Variants in ZBTB2 observed in about 807,000 individuals in gnomAD.
ZBTB2 encodes the protein zinc finger and BTB domain containing 2.
A neutral mutation model predicts 39.5 loss-of-function variants in ZBTB2; 2 were observed. The observed-to-expected ratio is 0.05, with a 90% CI of 0.02 to 0.16. ZBTB2 has a LOEUF of 0.16. Ranked by LOEUF, ZBTB2 falls within the 10% of genes least tolerant of loss-of-function variation. ZBTB2 has a pLI of 1.00. For synonymous variants in ZBTB2, 251 were observed against 256.6 expected (o/e 0.98, Z 0.21); for missense variants, 391 against 653.0 (o/e 0.60, Z 4.37).
At chr6:151,369,698 C>T (rs891931232) in intron 2 of ZBTB2, among the ~76,000 whole-genome samples, 4 of 152,006 alleles carry the variant, frequency 2.6e-5, no homozygotes, top group African/African-American at 4.8e-5. Context: ...GGAGGCTGGG[C>T]GCAGTGGCTA....
chr6:151,365,319 C>T lies in ZBTB2; in HGVS notation c.*202G>A. The T allele has an allele frequency of 1.7e-6, 1 of 578,456 alleles. No homozygotes were observed. The highest frequency in any genetic ancestry group is 2.9e-6 in the Non-Finnish European group (1 of 339,950). 35.8% of individuals were successfully genotyped at this position (578,456 alleles called of 1,614,324 possible). On this transcript the variant is annotated 3_prime_UTR_variant, in exon 3 of 3. Transcript: ENST00000325144. This position sits in a 1 kb window ranked among gnomAD's most constrained non-coding sequence, Gnocchi z 5.6. ...AATGACCATTATCTTTCCAATATCC[C>T]CTGAAAGAAAGTCGATACATTCCAG...
intron 2 of ZBTB2, among the ~76,000 whole-genome samples, chr6:151,370,355 A>T (rs1170705898): frequency 6.6e-6 from 1 of 152,168 alleles, no homozygotes; most frequent in Non-Finnish European, 1.5e-5. Context: ...AGGCTGGTTG[A>T]CATACTTTCA....
rs549888200 is a variant in ZBTB2, at chr6:151,369,625, T to TA, written c.174-2734dup. On this transcript the variant is annotated intron_variant, in intron 2 of 2. Transcript: ENST00000325144. ...AGGCGTGAACCACTGCACGCAGCCT[T>TA]AAAAAAAAATTTTTTTTTTTAAAGC... is the stretch of plus-strand genomic sequence containing the variant. 2.6e-5 allele frequency among the ~76,000 whole-genome samples: 4 copies of TA among 151,716 alleles called. No homozygotes were observed. The South Asian group carries it at 6.2e-4, about 24-fold the overall frequency.
At chr6:151,387,736 TCTTA>T (rs1172400155) in intron 1 of ZBTB2, among the ~76,000 whole-genome samples, 4 of 152,186 alleles carry the variant, frequency 2.6e-5, no homozygotes, top group Non-Finnish European at 2.9e-5. Flanking sequence ...TACTGAACTT[TCTTA>T]AAGTGACACT....
chr6:151,389,533 G>A (rs1194992715), intron 1 of ZBTB2, among the ~76,000 whole-genome samples: 2 of 152,208 alleles, frequency 1.3e-5, no homozygotes, highest in African/African-American at 4.8e-5. Context: ...CATTAGCAAG[G>A]ACAGGGCAGC....
At chr6:151,376,250 AAAGT>A (rs1458532951) in intron 1 of ZBTB2, among the ~76,000 whole-genome samples, 2 of 152,242 alleles carry the variant, frequency 1.3e-5, no homozygotes, top group African/African-American at 2.4e-5. Context: ...TTTGGGAAAA[AAAGT>A]AAGAAAATCT....
At chr6:151,374,927 T>C (rs1318596278) in intron 1 of ZBTB2, among the ~76,000 whole-genome samples, 5 of 96,474 alleles carry the variant, frequency 5.2e-5, no homozygotes, top group Non-Finnish European at 1.0e-4. Flanking sequence ...ACCCCGTCTC[T>C]ACTAAAAAAA....
At chr6:151,382,211 C>A (rs1377314940) in intron 1 of ZBTB2, among the ~76,000 whole-genome samples, 1 of 152,186 alleles carries the variant, frequency 6.6e-6, no homozygotes, top group Non-Finnish European at 1.5e-5. Context: ...CTTTCATTCA[C>A]TGAAATCTTA....
intron 2 of ZBTB2, among the ~76,000 whole-genome samples, chr6:151,367,257 ATTACAGGCGC>A (rs1191556059): frequency 1.3e-5 from 2 of 151,874 alleles, no homozygotes; most frequent in Admixed American, 6.6e-5. Flanking sequence ...AGTAGCTGGG[ATTACAGGCGC>A]TCACTACCAC....
At position 151,382,239 on chromosome 6, in the gene ZBTB2, T is replaced by A. The variant is rs569751778; in HGVS notation, c.-12-8590A>T. Among the ~76,000 whole-genome samples, 287 of 152,352 alleles carry A rather than the reference T, an allele frequency of 1.9e-3. 1 individual carries two copies. The highest frequency in any genetic ancestry group is 3.3e-3 in the Non-Finnish European group (223 of 68,028). On this transcript the variant is annotated intron_variant, in intron 1 of 2. Transcript: ENST00000325144. The stretch of plus-strand genomic sequence containing the variant: ...AAATCTTATTATGGGTACATGACTA[T>A]GTATGAAAAAATACTTTTCTTTTTC...
intron 1 of ZBTB2, among the ~76,000 whole-genome samples, chr6:151,390,078 G>A (rs1779249569): frequency 6.6e-6 from 1 of 152,052 alleles, no homozygotes; most frequent in Non-Finnish European, 1.5e-5. Flanking sequence ...AAAGCACAGC[G>A]CGCTCGGGGC....
In ZBTB2 at chr6:151,365,922, T is replaced by C. The variant is rs1414197248; in HGVS notation, c.1144A>G (p.Met382Val). 6.2e-7 allele frequency: 1 copy of C among 1,614,194 alleles called. No homozygotes were observed. The highest frequency in any genetic ancestry group is 1.7e-5 in the Admixed American group (1 of 60,016). The change falls in exon 3 of 3, where the codon ATG becomes GTG. Residue 382 changes from methionine to valine, a missense_variant. Physicochemically the swap from Met to Val is conservative, Grantham distance 21 (BLOSUM62 1). Around this residue, in one of 7 missense-constraint regions of ZBTB2, gnomAD observed 17 missense variants for 67.6 expected, o/e 0.25. Transcript: ENST00000325144. This position sits in a 1 kb window ranked among gnomAD's most constrained non-coding sequence, Gnocchi z 5.6. ...FIQKSHWREH[M>V]YIHTGKPFKC... Reference sequence around the variant, plus strand: ...AAAGGCTTCCCGGTGTGTATGTACATGTGTTCCCTCCAGTGGCTTTTCTGG... The same window carrying C: ...AAAGGCTTCCCGGTGTGTATGTACACGTGTTCCCTCCAGTGGCTTTTCTGG...
chr6:151,387,016 A>C (rs1779171729), intron 1 of ZBTB2, among the ~76,000 whole-genome samples: 1 of 152,140 alleles, frequency 6.6e-6, no homozygotes, highest in Non-Finnish European at 1.5e-5. Context: ...TTTTGCATTT[A>C]CTCCTCAATT....
intron 1 of ZBTB2, among the ~76,000 whole-genome samples, chr6:151,381,804 A>G (rs140519436): frequency 6.6e-6 from 1 of 152,236 alleles, no homozygotes; most frequent in Non-Finnish European, 1.5e-5. Context: ...GACACAAAAC[A>G]TTCACAAACC....
intron 2 of ZBTB2, among the ~76,000 whole-genome samples, chr6:151,373,264 T>C (rs113491014): frequency 0.015 from 2,107 of 143,242 alleles, 43 homozygotes; most frequent in African/African-American, 0.052. Context: ...AAGGGCTGCA[T>C]AGAGCTGGCA....
At chr6:151,372,957 G>A (rs551008642) in intron 2 of ZBTB2, among the ~76,000 whole-genome samples, 32 of 151,726 alleles carry the variant, frequency 2.1e-4, no homozygotes, top group African/African-American at 6.5e-4. Context: ...GATCGAGACC[G>A]TCCTGGCTAA....
intron 1 of ZBTB2, among the ~76,000 whole-genome samples, chr6:151,381,057 C>T (rs890468643): frequency 1.3e-5 from 2 of 152,124 alleles, no homozygotes; most frequent in Non-Finnish European, 2.9e-5. Context: ...TTCTCTTACT[C>T]CTCACATCAG....
intron 1 of ZBTB2, among the ~76,000 whole-genome samples, chr6:151,384,083 C>A (rs965347848): frequency 6.6e-6 from 1 of 152,156 alleles, no homozygotes; most frequent in Non-Finnish European, 1.5e-5. Flanking sequence ...CTAAAAAATT[C>A]TCATCAATTT....
At chr6:151,387,509 T>A (rs1371718667) in intron 1 of ZBTB2, among the ~76,000 whole-genome samples, 1 of 152,166 alleles carries the variant, frequency 6.6e-6, no homozygotes, top group Non-Finnish European at 1.5e-5. Context: ...AGAATCACTT[T>A]GGGGACTCAG....
Sources: allele counts gnomAD v4.1 joint callset (sites outside exome capture counted in the v4.1 genomes callset), GRCh38; gene constraint gnomAD v4.1.1; regional missense constraint gnomAD v4.1.1; non-coding constraint Gnocchi (gnomAD v3.1); transcripts MANE v1.5; gene names NCBI Gene and HGNC (gene_info 2026-07-23, HGNC 2026-07-21).